SLC24A3: variants seen among roughly 807,000 people sequenced by gnomAD.
The protein encoded by SLC24A3 is solute carrier family 24 member 3.
A neutral mutation model predicts 75.8 loss-of-function variants in SLC24A3; 28 were observed. The ratio of observed to expected loss-of-function variants is 0.37; its 90% CI spans 0.27 to 0.51. The LOEUF (loss-of-function observed/expected upper bound fraction) is 0.51, where lower values mean the gene tolerates loss of function less well. Among genes scored for constraint, SLC24A3 ranks in the 20% least tolerant of loss-of-function variants. The pLI is 0.94. For synonymous variants in SLC24A3, 372 were observed against 334.1 expected (o/e 1.11, Z -1.24); for missense variants, 663 against 847.8 (o/e 0.78, Z 2.71).
intron 6 of SLC24A3, among the ~76,000 whole-genome samples, chr20:19,629,785 A>G (rs2031911754): frequency 6.6e-6 from 1 of 152,230 alleles, no homozygotes; most frequent in African/African-American, 2.4e-5. Flanking sequence ...GACGGCCAAG[A>G]ATACTGTGCA....
At chr20:19,252,645 G>GGC (rs546540994) in intron 1 of SLC24A3, among the ~76,000 whole-genome samples, 55 of 149,842 alleles carry the variant, frequency 3.7e-4, no homozygotes, top group East Asian at 1.2e-3. Flanking sequence ...TGGAATGGCG[G>GGC]GGGGGGGTGC....
chr20:19,696,948 AG>A, intron 14 of SLC24A3, 37 bp downstream of exon 14: 25 of 551,300 alleles, frequency 4.5e-5, no homozygotes, highest in Non-Finnish European at 6.8e-5. Context: ...GGAGGGAGGG[AG>A]GGAGGAGGAG....
chr20:19,433,716 G>A (rs1462464353), intron 2 of SLC24A3, among the ~76,000 whole-genome samples: 1 of 152,196 alleles, frequency 6.6e-6, no homozygotes, highest in Non-Finnish European at 1.5e-5. Flanking sequence ...AAAATAGTGC[G>A]TAGCAATAGC....
chr20:19,484,379 G>A (rs59175311), intron 2 of SLC24A3, among the ~76,000 whole-genome samples: 3,874 of 152,226 alleles, frequency 0.025, 177 homozygotes, highest in African/African-American at 0.087. Flanking sequence ...ATGAGGTCAG[G>A]TGTGAGATTT....
chr20:19,351,278 C>T (rs576607688), intron 2 of SLC24A3, among the ~76,000 whole-genome samples: 5 of 152,338 alleles, frequency 3.3e-5, no homozygotes, highest in East Asian at 1.9e-4. Flanking sequence ...TCATCTCCCA[C>T]TCCTAAATAC....
At chr20:19,258,768 C>T (rs1258197093) in intron 1 of SLC24A3, among the ~76,000 whole-genome samples, 1 of 152,060 alleles carries the variant, frequency 6.6e-6, no homozygotes, top group East Asian at 1.9e-4. Flanking sequence ...GTGGCTTTTC[C>T]ACCAAGCACT....
intron 3 of SLC24A3, among the ~76,000 whole-genome samples, chr20:19,578,235 G>A (rs973423912): frequency 1.3e-5 from 2 of 152,086 alleles, no homozygotes; most frequent in African/African-American, 2.4e-5. Context: ...TGGAGCCGGG[G>A]CCAGGGGTCA....
intron 3 of SLC24A3, among the ~76,000 whole-genome samples, chr20:19,519,258 A>G (rs636966): frequency 0.28 from 42,974 of 152,106 alleles, 6,631 homozygotes; most frequent in African/African-American, 0.4. Flanking sequence ...AGAAGTCTGG[A>G]GACACAGATG....
intron 12 of SLC24A3, among the ~76,000 whole-genome samples, chr20:19,686,335 C>G (rs959123710): frequency 6.6e-6 from 1 of 152,322 alleles, no homozygotes; most frequent in South Asian, 2.1e-4. Context: ...GTCCTCCTCT[C>G]CCAACTGCTG....
At chr20:19,487,741 T>C (rs1568632257) in intron 2 of SLC24A3, among the ~76,000 whole-genome samples, 1 of 152,232 alleles carries the variant, frequency 6.6e-6, no homozygotes, top group East Asian at 1.9e-4. Context: ...GCCACGCTAA[T>C]ATCCCAGTGA....
intron 2 of SLC24A3, among the ~76,000 whole-genome samples, chr20:19,476,877 T>C (rs775306760): frequency 3.3e-5 from 5 of 152,142 alleles, no homozygotes; most frequent in Non-Finnish European, 5.9e-5. Flanking sequence ...TCTCTCCCTC[T>C]GATTCTTTTG....
At chr20:19,271,001 G>A (rs1347744987) in intron 1 of SLC24A3, among the ~76,000 whole-genome samples, 1 of 152,212 alleles carries the variant, frequency 6.6e-6, no homozygotes, top group Non-Finnish European at 1.5e-5. Context: ...CTGAGGAGCA[G>A]GTGTTGCCTT....
chr20:19,348,351 A>G (rs1985479419), intron 2 of SLC24A3, among the ~76,000 whole-genome samples: 1 of 152,204 alleles, frequency 6.6e-6, no homozygotes, highest in East Asian at 1.9e-4. Flanking sequence ...ATTCTCCCAC[A>G]TGTGGCAAAC....
At position 19,684,255 on chromosome 20, in the gene SLC24A3, G is replaced by A. The variant is rs2032647424; in HGVS notation, c.981G>A (p.Glu327=). The A allele has an allele frequency of 6.2e-7, 1 of 1,614,132 alleles. No homozygotes were observed. The highest frequency in any genetic ancestry group is 8.5e-7 in the Non-Finnish European group (1 of 1,180,028). The change falls in exon 11 of 17, where the codon GAG becomes GAA. Residue 327 remains glutamate (E), a synonymous_variant. Transcript: ENST00000328041. ...ACCCACACCAGCTTTCCTTCTCTGAGGCTGGCCTTCGAATCATGATAACCA... is the reference window on the plus strand; with the variant it reads ...ACCCACACCAGCTTTCCTTCTCTGAAGCTGGCCTTCGAATCATGATAACCA... ...SAYPHQLSFS[E]AGLRIMITSH... is the part of the protein sequence containing the mutation.
chr20:19,632,516 G>A (rs1406122852), intron 6 of SLC24A3, among the ~76,000 whole-genome samples: 2 of 152,074 alleles, frequency 1.3e-5, no homozygotes, highest in African/African-American at 2.4e-5. Flanking sequence ...CTCTTGTAAA[G>A]GACCCTTGTG....
At chr20:19,223,853 A>G (rs778651494) in intron 1 of SLC24A3, among the ~76,000 whole-genome samples, 14 of 152,184 alleles carry the variant, frequency 9.2e-5, no homozygotes, top group Non-Finnish European at 1.8e-4. Flanking sequence ...CGATCTGATA[A>G]CCGAGCTGGC....
At chr20:19,435,609 C>G (rs6046096) in intron 2 of SLC24A3, among the ~76,000 whole-genome samples, 4,161 of 152,234 alleles carry the variant, frequency 0.027, 165 homozygotes, top group East Asian at 0.1. Flanking sequence ...TCACGGTCAC[C>G]TTTGGAGCTT....
rs376793281 is a variant in SLC24A3, at chr20:19,684,365, A to G, written c.1062+29A>G. ...CCTGGGAAAGCACTGTCCACTGCCC[A>G]CTGGACAGGGGTGGGAAACTCTGGG... On this transcript the variant is annotated intron_variant, in intron 11 of 16. Coordinates refer to ENST00000328041, the MANE Select transcript of SLC24A3 (RefSeq NM_020689.4). 5 of 1,601,876 alleles carry G rather than the reference A, an allele frequency of 3.1e-6. No individual in the cohort carries two copies. The South Asian group carries it at 3.3e-5, about 11-fold the overall frequency.
chr20:19,576,110 A>G (rs781207681), intron 3 of SLC24A3, among the ~76,000 whole-genome samples: 34 of 152,110 alleles, frequency 2.2e-4, no homozygotes, highest in Non-Finnish European at 2.9e-4. Context: ...GCCTCATATA[A>G]TATTTAGAAG....
Sources: gnomAD v4.1 joint callset for allele counts (sites outside exome capture counted in the v4.1 genomes callset) on GRCh38, gnomAD v4.1.1 for gene constraint, MANE v1.5 for transcripts, NCBI Gene and HGNC (gene_info 2026-07-23, HGNC 2026-07-21) for gene names.